The following VWA3A variants were observed in gnomAD, a reference collection of about 807,000 sequenced individuals.
VWA3A encodes von Willebrand factor A domain containing 3A.
A neutral mutation model predicts 160.4 loss-of-function variants in VWA3A; 134 were observed. The ratio of observed to expected loss-of-function variants is 0.84; its 90% CI spans 0.73 to 0.96. The LOEUF is 0.96. VWA3A is among the 40% of genes least tolerant of loss of function. VWA3A has a pLI of 0.00. For missense variants in VWA3A, 1,310 were observed against 1,447.9 expected (o/e 0.90, Z 1.55); for synonymous variants, 476 against 543.4 (o/e 0.88, Z 1.72).
At chr16:22,140,507 G>T (rs946500742) in intron 23 of VWA3A, among the ~76,000 whole-genome samples, 1 of 152,100 alleles carries the variant, frequency 6.6e-6, no homozygotes, top group African/African-American at 2.4e-5. Flanking sequence ...CTCAGAGGCT[G>T]AGTTGGGAGG....
chr16:22,121,679 A>G (rs1172558238), intron 14 of VWA3A, 62 bp downstream of exon 14: 1 of 1,322,074 alleles, frequency 7.6e-7, no homozygotes, highest in Non-Finnish European at 1.1e-6. Flanking sequence ...GGCTTTTCCT[A>G]CCTTCATAAA....
chr16:22,123,215 C>G (rs771929656), intron 15 of VWA3A, 50 bp downstream of exon 15: 5 of 1,522,906 alleles, frequency 3.3e-6, no homozygotes, highest in South Asian at 1.2e-5. Context: ...AAAGTGGGGA[C>G]GGGAGGAAGG....
At chr16:22,126,418 T>G (rs1265146852) in intron 17 of VWA3A, 121 bp downstream of exon 17, 1 of 1,366,614 alleles carries the variant, frequency 7.3e-7, no homozygotes, top group Non-Finnish European at 9.8e-7. Flanking sequence ...CCCGGCTTCC[T>G]AGGATAGCCA....
intron 17 of VWA3A, 78 bp downstream of exon 17, chr16:22,126,375 G>A (rs375727824): frequency 5.2e-5 from 80 of 1,540,414 alleles, no homozygotes; most frequent in African/African-American, 6.9e-5. Context: ...GGCTTTGGAC[G>A]TTGCTGGACG....
At chr16:22,133,389 T>C (rs2141965598) in intron 20 of VWA3A, among the ~76,000 whole-genome samples, 1 of 152,256 alleles carries the variant, frequency 6.6e-6, no homozygotes, top group South Asian at 2.1e-4. Flanking sequence ...CAGTGGCTCA[T>C]ACCCACAATC....
At chr16:22,117,738 T>A (rs1451324497) in intron 11 of VWA3A, among the ~76,000 whole-genome samples, 1 of 119,992 alleles carries the variant, frequency 8.3e-6, no homozygotes, top group Admixed American at 8.0e-5. Context: ...AAGAATGCAA[T>A]CATCTGGTTG....
intron 25 of VWA3A, 56 bp from the exon 26 acceptor site, chr16:22,144,191 A>G: frequency 6.5e-7 from 1 of 1,538,004 alleles, no homozygotes; most frequent in Non-Finnish European, 8.8e-7. Flanking sequence ...CAGTCAGATG[A>G]TCATTCAGTT....
intron 6 of VWA3A, among the ~76,000 whole-genome samples, chr16:22,107,724 C>T (rs1013910622): frequency 6.6e-6 from 1 of 152,088 alleles, no homozygotes; most frequent in Non-Finnish European, 1.5e-5. Context: ...CATGGAAGCT[C>T]TTGTTAAAAT....
chr16:22,154,822 C>T (rs928158287), intron 31 of VWA3A, among the ~76,000 whole-genome samples: 5 of 150,490 alleles, frequency 3.3e-5, no homozygotes, highest in Admixed American at 6.6e-5. Context: ...GGCGCGGTGG[C>T]GGGCGCCTGT....
intron 5 of VWA3A, 63 bp downstream of exon 5, chr16:22,100,556 C>G: frequency 1.3e-6 from 2 of 1,482,594 alleles, no homozygotes; most frequent in Non-Finnish European, 1.8e-6. Context: ...CATTTCAGTC[C>G]GGGCATGGTG....
At chr16:22,123,341 C>T (rs1319741866) in intron 15 of VWA3A, 176 bp downstream of exon 15, 8 of 1,193,484 alleles carry the variant, frequency 6.7e-6, no homozygotes, top group Non-Finnish European at 9.4e-6. Context: ...CAAGCAGGGA[C>T]CTCAATGCCT....
At chr16:22,133,535 C>G (rs562693030) in intron 20 of VWA3A, among the ~76,000 whole-genome samples, 1 of 151,358 alleles carries the variant, frequency 6.6e-6, no homozygotes, top group East Asian at 2.0e-4. Flanking sequence ...GTAGTCCCAG[C>G]TACTCGGGAG....
At chr16:22,119,146 C>T (rs950462812) in intron 12 of VWA3A, 119 bp downstream of exon 12, 25 of 1,381,218 alleles carry the variant, frequency 1.8e-5, no homozygotes, top group Admixed American at 2.7e-5. Context: ...TTCCTAAAAT[C>T]GAAACAAGGC....
chr16:22,108,650 G>A (rs531926383), intron 6 of VWA3A, among the ~76,000 whole-genome samples: 1 of 152,148 alleles, frequency 6.6e-6, no homozygotes, highest in African/African-American at 2.4e-5. Context: ...TAGATATCCA[G>A]TAAAGTAGGA....
intron 27 of VWA3A, among the ~76,000 whole-genome samples, chr16:22,147,407 G>A (rs2142014692): frequency 6.6e-6 from 1 of 152,288 alleles, no homozygotes; most frequent in East Asian, 1.9e-4. Flanking sequence ...GAAGCATCAA[G>A]CCCAAGAAGA....
intron 12 of VWA3A, 127 bp downstream of exon 12, chr16:22,119,154 G>A (rs1422251934): frequency 1.7e-6 from 2 of 1,208,818 alleles, no homozygotes; most frequent in African/African-American, 3.2e-5. Flanking sequence ...ATCGAAACAA[G>A]GCAAGGCCCA....
At chr16:22,096,999 A>G in intron 2 of VWA3A, 54 bp downstream of exon 2, 1 of 1,179,802 alleles carries the variant, frequency 8.5e-7, no homozygotes, top group Non-Finnish European at 1.2e-6. Context: ...AGATTCTCGC[A>G]CTGTCTCCCA....
Position 22,121,012 on chromosome 16 carries a change from T to A in VWA3A, c.1161T>A (p.Pro387=). ...ITNGPLISLL[P]KPPKHDAPLT... ...ATGGGCCACTCATAAGCCTCTTGCC[T>A]AAACCCCCAAAGCATGACGCTCCTC... The change falls in exon 13 of 34, where the codon CCT becomes CCA. Residue 387 remains proline, a synonymous_variant. Transcript: ENST00000389398. 6.2e-7 allele frequency: 1 copy of A among 1,613,966 alleles called. No homozygotes were observed.
chr16:22,092,789 G>T, intron 1 of VWA3A, 138 bp downstream of exon 1: 1 of 1,124,686 alleles, frequency 8.9e-7, no homozygotes, highest in Non-Finnish European at 1.2e-6. Context: ...CGAGCATTGG[G>T]CTAAATGCTG....
Sources: gnomAD v4.1 joint callset for allele counts (sites outside exome capture counted in the v4.1 genomes callset) on GRCh38, gnomAD v4.1.1 for gene constraint, MANE v1.5 for transcripts, NCBI Gene and HGNC (gene_info 2026-07-23, HGNC 2026-07-21) for gene names.